SHISAL1: variants seen among roughly 807,000 people sequenced by gnomAD.
SHISAL1 encodes the protein protein shisa-like-1.
In SHISAL1, 9 loss-of-function variants were observed where a neutral mutation model predicts 22.6. The observed-to-expected ratio is 0.40, with a 90% confidence interval of 0.24 to 0.70. The LOEUF is 0.70. Among genes scored for constraint, SHISAL1 ranks in the 30% least tolerant of loss-of-function variants. SHISAL1 has a pLI of 0.39. For synonymous variants in SHISAL1, 119 were observed against 115.4 expected, an observed-to-expected ratio of 1.03 and a Z score of -0.20; for missense variants, 246 against 270.6, an observed-to-expected ratio of 0.91 and a Z score of 0.64.
the SHISAL1 span, among the ~76,000 whole-genome samples, chr22:44,318,132 C>A: frequency 1.3e-5 from 2 of 152,358 alleles, no homozygotes; most frequent in East Asian, 1.9e-4. Flanking sequence ...CCAGGGCAGA[C>A]AAGCCTCTAT....
chr22:44,293,197 G>A (rs937069280), intron 3 of SHISAL1, among the ~76,000 whole-genome samples: 6 of 152,154 alleles, frequency 3.9e-5, no homozygotes, highest in African/African-American at 1.4e-4. Flanking sequence ...GCCCCCCTCC[G>A]CAGGAGCACC....
At position 44,301,054 on chromosome 22, in the gene SHISAL1, C is replaced by T. The variant is rs187877691; in HGVS notation, c.-32-77G>A. The T allele has an allele frequency of 3.3e-3, 3,095 of 938,570 alleles. 33 individuals carry two copies. The highest frequency in any genetic ancestry group is 0.01 in the East Asian group (371 of 36,920). 58.1% of individuals were successfully genotyped at this position (938,570 alleles called of 1,614,324 possible). A position where few individuals can be genotyped will look rare whatever the true frequency, so the allele number is the denominator to read the frequency against. ...TGGCTTTCCTGCCCACAGCGGGGGA[C>T]GGGCAGGCGGGCAGCGGGCAGGAGA... On this transcript the variant is annotated intron_variant, in intron 1 of 4. Transcript: ENST00000381176.
At chr22:44,292,732 C>T (rs1396972189) in intron 3 of SHISAL1, among the ~76,000 whole-genome samples, 1 of 152,226 alleles carries the variant, frequency 6.6e-6, no homozygotes. Flanking sequence ...GGGCCAGCCC[C>T]GCCTGGACAC....
chr22:44,268,621 C>G (rs1380367588), intron 4 of SHISAL1, among the ~76,000 whole-genome samples: 1 of 152,138 alleles, frequency 6.6e-6, no homozygotes, highest in Non-Finnish European at 1.5e-5. Flanking sequence ...AAACAGGCCA[C>G]GGAGCTCTCT....
chr22:44,329,952 C>T, the SHISAL1 span, among the ~76,000 whole-genome samples: 4 of 152,156 alleles, frequency 2.6e-5, no homozygotes, highest in East Asian at 1.9e-4. Context: ...CAGAACCAGG[C>T]GAGGAAACAA....
intron 4 of SHISAL1, among the ~76,000 whole-genome samples, chr22:44,271,423 A>C (rs995796208): frequency 4.6e-5 from 7 of 152,056 alleles, no homozygotes; most frequent in Non-Finnish European, 1.0e-4. Context: ...TAGAAGCTAC[A>C]GGAAGTCCAA....
At chr22:44,291,792 C>T (rs1185652674) in intron 3 of SHISAL1, among the ~76,000 whole-genome samples, 1 of 152,180 alleles carries the variant, frequency 6.6e-6, no homozygotes, top group Non-Finnish European at 1.5e-5. Context: ...GAGAACTGAC[C>T]ACATCCCCTG....
the SHISAL1 span, among the ~76,000 whole-genome samples, chr22:44,320,947 C>T: frequency 3.3e-5 from 5 of 152,196 alleles, no homozygotes; most frequent in Non-Finnish European, 7.3e-5. Flanking sequence ...TGGGCTGAGT[C>T]AAGACACAAG....
chr22:44,315,188 CAG>C (rs2147315602), upstream of SHISAL1, among the ~76,000 whole-genome samples: 1 of 152,188 alleles, frequency 6.6e-6, no homozygotes, highest in East Asian at 1.9e-4. Context: ...AGGAAGCAGG[CAG>C]AGACATGGGC....
chr22:44,303,969 T>A (rs1021000300), intron 1 of SHISAL1, among the ~76,000 whole-genome samples: 3 of 151,790 alleles, frequency 2.0e-5, no homozygotes, highest in African/African-American at 7.3e-5. Context: ...GGTTTCAGAG[T>A]TGAACATGCA....
intron 4 of SHISAL1, among the ~76,000 whole-genome samples, chr22:44,276,758 G>C (rs1228560255): frequency 6.6e-6 from 1 of 152,178 alleles, no homozygotes; most frequent in Non-Finnish European, 1.5e-5. Flanking sequence ...CTGGATTCAG[G>C]GGAGAGAGAC....
Position 44,310,555 on chromosome 22 carries a change from C to T in SHISAL1, c.-33+2196G>A, listed in dbSNP as rs1398845932. On this transcript the variant is annotated intron_variant, in intron 1 of 4. Transcript: ENST00000381176. This position sits in a 1 kb window ranked among gnomAD's most constrained non-coding sequence, Gnocchi z 4.0. ...GTGAAACGGGAGCCGTGCCCCACAC[C>T]TTGCAGGTATACCAAACATAGAAAG... is the stretch of plus-strand genomic sequence containing the variant. Among the ~76,000 whole-genome samples the T allele has an allele frequency of 3.9e-5, 6 of 152,182 alleles. No homozygotes were observed. The highest frequency in any genetic ancestry group is 1.3e-4 in the Admixed American group (2 of 15,284).
the SHISAL1 span, among the ~76,000 whole-genome samples, chr22:44,328,517 C>T: frequency 7.9e-5 from 12 of 152,310 alleles, no homozygotes; most frequent in East Asian, 1.9e-4. Flanking sequence ...ACTGTGGACA[C>T]AGACAGCTGA....
chr22:44,326,183 C>G, the SHISAL1 span, among the ~76,000 whole-genome samples: 1 of 152,164 alleles, frequency 6.6e-6, no homozygotes, highest in Admixed American at 6.5e-5. Flanking sequence ...AAATCACCAT[C>G]GTTTCCGTGA....
intron 3 of SHISAL1, among the ~76,000 whole-genome samples, chr22:44,290,735 C>T (rs947928930): frequency 6.6e-6 from 1 of 152,066 alleles, no homozygotes; most frequent in Non-Finnish European, 1.5e-5. Context: ...AATGGGGATA[C>T]CTAGACCTCC....
At chr22:44,266,559 T>TGTGTGTGG (rs1555926298) in intron 4 of SHISAL1, among the ~76,000 whole-genome samples, 1 of 142,542 alleles carries the variant, frequency 7.0e-6, no homozygotes, top group African/African-American at 2.8e-5. Flanking sequence ...TGTGTGTGTG[T>TGTGTGTGG]TGGAGGGCTC....
chr22:44,311,520 C>G (rs899759771), intron 1 of SHISAL1, among the ~76,000 whole-genome samples: 4 of 152,232 alleles, frequency 2.6e-5, no homozygotes, highest in African/African-American at 4.8e-5. Context: ...ATGGTTCCCC[C>G]TTTTGAGCCC....
chr22:44,287,599 C>A (rs950476589), intron 3 of SHISAL1, among the ~76,000 whole-genome samples: 6 of 152,060 alleles, frequency 3.9e-5, no homozygotes, highest in African/African-American at 1.2e-4. Context: ...CTGATGGGCT[C>A]GCTCATGCTA....
chr22:44,328,610 G>A, the SHISAL1 span, among the ~76,000 whole-genome samples: 2 of 152,000 alleles, frequency 1.3e-5, no homozygotes, highest in African/African-American at 4.8e-5. Context: ...CAACCCTCTT[G>A]CAGTGTGGCC....
Sources: gnomAD v4.1 joint callset for allele counts (sites outside exome capture counted in the v4.1 genomes callset) on GRCh38, gnomAD v4.1.1 for gene constraint, Gnocchi (gnomAD v3.1) non-coding constraint, MANE v1.5 for transcripts, NCBI Gene and HGNC (gene_info 2026-07-23, HGNC 2026-07-21) for gene names.